The following PLEKHA7 variants were observed in gnomAD, a reference collection of about 807,000 sequenced individuals.
The protein encoded by PLEKHA7 is pleckstrin homology domain-containing family A member 7.
In PLEKHA7, 104 loss-of-function variants were observed where a neutral mutation model predicts 170.0. The observed-to-expected ratio is 0.61, with a 90% CI of 0.52 to 0.72. PLEKHA7 has a LOEUF of 0.72. PLEKHA7 is among the 30% of genes least tolerant of loss of function. PLEKHA7 has a pLI of 0.00. For missense variants in PLEKHA7, 1,615 were observed against 1,671.7 expected (o/e 0.97, Z 0.59); for synonymous variants, 648 against 660.8 (o/e 0.98, Z 0.30).
At chr11:16,831,567 G>C (rs146299070) in intron 9 of PLEKHA7, among the ~76,000 whole-genome samples, 10 of 152,336 alleles carry the variant, frequency 6.6e-5, no homozygotes, top group African/African-American at 1.4e-4. Flanking sequence ...ACCGGTCACT[G>C]TTCAAAAACA....
At chr11:16,905,813 T>A (rs1454670107) in intron 3 of PLEKHA7, among the ~76,000 whole-genome samples, 6 of 152,222 alleles carry the variant, frequency 3.9e-5, no homozygotes, top group Admixed American at 3.3e-4. Flanking sequence ...AACTCAAAGC[T>A]ACAAACACTT....
At chr11:16,804,382 T>C (rs1341536114) in intron 13 of PLEKHA7, among the ~76,000 whole-genome samples, 5 of 152,056 alleles carry the variant, frequency 3.3e-5, no homozygotes, top group Admixed American at 3.3e-4. Context: ...CCATTCTATC[T>C]GTAAGGTCCA....
chr11:16,880,454 TG>T (rs2135783815), intron 3 of PLEKHA7, among the ~76,000 whole-genome samples: 1 of 152,376 alleles, frequency 6.6e-6, no homozygotes, highest in East Asian at 1.9e-4. Context: ...CTTCAGTGCC[TG>T]CTATATTTAT....
At chr11:16,902,798 C>G (rs1857421920) in intron 3 of PLEKHA7, among the ~76,000 whole-genome samples, 1 of 152,136 alleles carries the variant, frequency 6.6e-6, no homozygotes, top group South Asian at 2.1e-4. Context: ...ATTAACTACC[C>G]AACAGATGTG....
chr11:16,891,096 T>TG, intron 3 of PLEKHA7, among the ~76,000 whole-genome samples: 1 of 152,128 alleles, frequency 6.6e-6, no homozygotes, highest in Non-Finnish European at 1.5e-5. Context: ...TCTATTCTTT[T>TG]TAGAGATGGG....
intron 3 of PLEKHA7, among the ~76,000 whole-genome samples, chr11:16,926,865 TCTCC>T (rs1859586980): frequency 6.6e-6 from 1 of 152,086 alleles, no homozygotes; most frequent in Admixed American, 6.5e-5. Context: ...TTTTCTCATC[TCTCC>T]CTGATCCATG....
chr11:16,869,772 A>T (rs1854680332), intron 4 of PLEKHA7, among the ~76,000 whole-genome samples: 2 of 152,150 alleles, frequency 1.3e-5, no homozygotes, highest in East Asian at 3.8e-4. Context: ...GTATATTTTA[A>T]TTTTTTTCCA....
rs977327408 is a variant in PLEKHA7 at position 16,791,051 on chromosome 11, C to T, written c.2894G>A (p.Arg965Gln). ...CACACACTGCCCCAGCTCCCGGTCT[C>T]GCTTCCTCTCGTCTGACTGCCGCTT... ...GLKRQSDERK[R>Q]DRELGQCVNG... is the part of the protein sequence containing the mutation. The change falls in exon 20 of 27, where the codon CGA (arginine) becomes CAA (glutamine). Residue 965 changes from arginine (R) to glutamine (Q), a missense_variant. Transcript: ENST00000531066. The surrounding 1 kb of genome is among the most constrained non-coding windows in gnomAD (Gnocchi z 4.5). 1.2e-6 allele frequency: 2 copies of T among 1,614,020 alleles called. No individual in the cohort carries two copies. The highest frequency in any genetic ancestry group is 1.1e-5 in the South Asian group (1 of 91,082).
chr11:16,858,414 G>T (rs949387373), intron 4 of PLEKHA7, among the ~76,000 whole-genome samples: 1 of 152,036 alleles, frequency 6.6e-6, no homozygotes, highest in Admixed American at 6.6e-5. Flanking sequence ...AGAAAAGACC[G>T]TCTGGATTTG....
intron 10 of PLEKHA7, among the ~76,000 whole-genome samples, chr11:16,823,643 A>G (rs896326026): frequency 3.3e-4 from 50 of 152,064 alleles, no homozygotes; most frequent in Non-Finnish European, 5.3e-4. Flanking sequence ...CTACCTATTA[A>G]CCAAGCCAAA....
chr11:16,932,963 C>G (rs1253901664), intron 3 of PLEKHA7, among the ~76,000 whole-genome samples: 1 of 152,110 alleles, frequency 6.6e-6, no homozygotes, highest in Non-Finnish European at 1.5e-5. Context: ...CCTTATAATA[C>G]CTAGTAGGAA....
intron 3 of PLEKHA7, among the ~76,000 whole-genome samples, chr11:16,991,630 CA>C (rs1326404134): frequency 5.9e-5 from 9 of 152,100 alleles, no homozygotes; most frequent in Admixed American, 5.9e-4. Context: ...AAAACAGCAG[CA>C]GGGATGGGAG....
At position 16,782,846 on chromosome 11, in the gene PLEKHA7, T is replaced by A; in HGVS notation, c.3701A>T (p.Asp1234Val). The A allele has an allele frequency of 6.5e-7, 1 of 1,536,168 alleles. No homozygotes were observed. Among genetic ancestry groups the A allele is most frequent in the African/African-American group, 1.4e-5 (1 of 73,158 alleles). ...CTGCTCCTGCAGCTGCAAGTCCAGG[T>A]CAGCCACACTGTTCTGGTCCTGGCC... ...TSGQDQNSVA[D>V]LDLQLQEQER... The change falls in exon 26 of 27, where the codon GAC (aspartate) becomes GTC (valine). Residue 1234 changes from aspartate (D) to valine (V), a missense_variant. Transcript: ENST00000531066.
At chr11:16,909,651 TCA>T (rs1858107495) in intron 3 of PLEKHA7, among the ~76,000 whole-genome samples, 1 of 152,140 alleles carries the variant, frequency 6.6e-6, no homozygotes, top group Non-Finnish European at 1.5e-5. Context: ...CTCTCTGGGC[TCA>T]GTTTCCTCCT....
chr11:16,985,681 G>A lies in PLEKHA7; in HGVS notation c.221+28308C>T, dbSNP rs142528623. Among the ~76,000 whole-genome samples, 325 of 152,346 alleles carry A rather than the reference G, an allele frequency of 2.1e-3. 1 individual carries two copies. The highest frequency in any genetic ancestry group is 4.7e-3 in the Admixed American group (72 of 15,306). ...CACTGTGCTTGTTACTTAATACTGT[G>A]CTGAGTGCTGGGGACAGATATGTGA... On this transcript the variant is annotated intron_variant, in intron 3 of 26. Transcript: ENST00000531066.
chr11:16,802,421 C>A (rs1279936881), intron 15 of PLEKHA7, among the ~76,000 whole-genome samples: 1 of 152,212 alleles, frequency 6.6e-6, no homozygotes, highest in East Asian at 1.9e-4. Context: ...CACATATAAG[C>A]CAGTGGAGCT....
intron 9 of PLEKHA7, among the ~76,000 whole-genome samples, chr11:16,826,862 A>G (rs1850697902): frequency 6.6e-6 from 1 of 152,206 alleles, no homozygotes; most frequent in African/African-American, 2.4e-5. Context: ...GCACTGAACC[A>G]TAACTTTGTT....
In PLEKHA7 at chr11:16,817,375, CT is replaced by C; in HGVS notation, c.1344-54del. The stretch of plus-strand genomic sequence containing the variant: ...GGCAACCAAGCGAGGGTTCTGCAGG[CT>C]TTGGGGAACATATCTAAGTAAACCC... On this transcript the variant is annotated intron_variant, in intron 10 of 26. Coordinates refer to ENST00000531066, the MANE Select transcript of PLEKHA7 (RefSeq NM_001329630.2). This position sits in a 1 kb window ranked among gnomAD's most constrained non-coding sequence, Gnocchi z 4.4. 6.6e-7 allele frequency: 1 copy of C among 1,511,828 alleles called. No individual in the cohort carries two copies. Among genetic ancestry groups the C allele is most frequent in the Non-Finnish European group, 8.9e-7 (1 of 1,122,702 alleles). 93.7% of individuals were successfully genotyped at this position (1,511,828 alleles called of 1,614,324 possible). A position where few individuals can be genotyped will look rare whatever the true frequency, so the allele number is the denominator to read the frequency against.
chr11:17,000,088 G>C (rs1864574660), intron 3 of PLEKHA7, among the ~76,000 whole-genome samples: 3 of 150,678 alleles, frequency 2.0e-5, no homozygotes, highest in African/African-American at 7.5e-5. Flanking sequence ...ACCTGTCTTT[G>C]TTTTTGTTTT....
Sources: allele counts gnomAD v4.1 joint callset (sites outside exome capture counted in the v4.1 genomes callset), GRCh38; gene constraint gnomAD v4.1.1; non-coding constraint Gnocchi (gnomAD v3.1); transcripts MANE v1.5; gene names NCBI Gene and HGNC (gene_info 2026-07-23, HGNC 2026-07-21).